The following PLBD1 variants were observed in gnomAD, a reference collection of about 807,000 sequenced individuals.
PLBD1 encodes the protein phospholipase B domain containing 1, also known as lysosomal leucine aminopeptidase.
In PLBD1, 60 loss-of-function variants were observed where a neutral mutation model predicts 63.0. That is an observed-to-expected ratio of 0.95 (90% CI 0.77 to 1.18). The LOEUF (loss-of-function observed/expected upper bound fraction) is 1.18. PLBD1 is among the 50% of genes most tolerant of loss of function. PLBD1 has a pLI of 0.00. For synonymous variants in PLBD1, 262 were observed against 248.0 expected (o/e 1.06, Z -0.53); for missense variants, 598 against 677.9 (o/e 0.88, Z 1.31).
chr12:14,515,609 C>A (rs1945331041), intron 6 of PLBD1, among the ~76,000 whole-genome samples: 1 of 151,994 alleles, frequency 6.6e-6, no homozygotes, highest in Admixed American at 6.5e-5. Flanking sequence ...GGTAACATGA[C>A]ATTAATAACA....
intron 4 of PLBD1, among the ~76,000 whole-genome samples, chr12:14,539,983 TAGAC>T (rs1219667754): frequency 7.7e-6 from 1 of 129,790 alleles, no homozygotes; most frequent in Non-Finnish European, 1.6e-5. Context: ...CTGGACAAAA[TAGAC>T]AAAAAGTTCA....
chr12:14,506,808 G>T, intron 9 of PLBD1, 125 bp downstream of exon 9: 1 of 790,640 alleles, frequency 1.3e-6, no homozygotes, highest in Non-Finnish European at 1.9e-6. Flanking sequence ...TACAATATTA[G>T]TTAAATACTT....
chr12:14,519,618 T>TA (rs77006344), intron 6 of PLBD1, among the ~76,000 whole-genome samples: 2,693 of 115,420 alleles, frequency 0.023, 35 homozygotes, highest in Middle Eastern at 0.076. Flanking sequence ...GACATCATCT[T>TA]AAAAAAAAAA....
chr12:14,533,485 C>G lies in PLBD1; in HGVS notation c.844+2174G>C, dbSNP rs1451959259. Among the ~76,000 whole-genome samples the G allele has an allele frequency of 3.3e-5, 5 of 152,212 alleles. No homozygotes were observed. The East Asian group carries it at 9.6e-4, about 29-fold the overall frequency. ...CAAATGTTAACAGGATTATACGTTTCATAAGAAAATCTTCCATGACCTTCT... is the reference window on the plus strand; with the variant it reads ...CAAATGTTAACAGGATTATACGTTTGATAAGAAAATCTTCCATGACCTTCT... On this transcript the variant is annotated intron_variant, in intron 6 of 10. Transcript: ENST00000240617.
chr12:14,555,645 G>C (rs1208452701), intron 1 of PLBD1, among the ~76,000 whole-genome samples: 2 of 152,112 alleles, frequency 1.3e-5, no homozygotes, highest in African/African-American at 2.4e-5. Context: ...ACGCACATTC[G>C]ATGATCCAGA....
chr12:14,562,528 T>A (rs1460352214), intron 1 of PLBD1, among the ~76,000 whole-genome samples: 1 of 151,324 alleles, frequency 6.6e-6, no homozygotes, highest in Non-Finnish European at 1.5e-5. Context: ...GTGTTTCAAG[T>A]CTTAAGCTAA....
rs757654628 is a variant in PLBD1 at position 14,511,588 on chromosome 12, C to G, written c.968G>C (p.Trp323Ser). 1.2e-5 allele frequency: 19 copies of G among 1,614,092 alleles called. No individual in the cohort carries two copies. The South Asian group carries it at 2.1e-4, about 18-fold the overall frequency. ...CATATTGGCCACACGGACTCTTTGCCAGGACAGGAGAGTCTCGGGTATTAC... is the reference window on the plus strand; with the variant it reads ...CATATTGGCCACACGGACTCTTTGCGAGGACAGGAGAGTCTCGGGTATTAC... ...KQVIPETLLS[W>S]QRVRVANMMA... The change falls in exon 7 of 11, where the codon TGG becomes TCG. Residue 323 changes from tryptophan to serine, a missense_variant. Coordinates refer to ENST00000240617, the MANE Select transcript of PLBD1 (RefSeq NM_024829.6).
chr12:14,514,207 G>A (rs1945321659), intron 6 of PLBD1, among the ~76,000 whole-genome samples: 1 of 152,142 alleles, frequency 6.6e-6, no homozygotes, highest in Non-Finnish European at 1.5e-5. Context: ...ATTTTAATGG[G>A]TCACCTCTCT....
intron 6 of PLBD1, among the ~76,000 whole-genome samples, chr12:14,527,251 A>C (rs1252371924): frequency 6.6e-6 from 1 of 152,168 alleles, no homozygotes; most frequent in East Asian, 1.9e-4. Context: ...GACTTTTGGC[A>C]GGGAAAATAT....
At chr12:14,532,148 G>A (rs1270968330) in intron 6 of PLBD1, among the ~76,000 whole-genome samples, 3 of 152,126 alleles carry the variant, frequency 2.0e-5, no homozygotes, top group African/African-American at 4.8e-5. Context: ...CCTATAAGTC[G>A]AGCTGGAAGA....
At chr12:14,544,022 T>TGCTGATGATCAGCAATATGCTG (rs1194428404) in intron 2 of PLBD1, among the ~76,000 whole-genome samples, 1 of 152,258 alleles carries the variant, frequency 6.6e-6, no homozygotes, top group Non-Finnish European at 1.5e-5. Context: ...CTGACACTAT[T>TGCTGATGATCAGCAATATGCTG]GCTGATGATC....
At chr12:14,526,983 A>G (rs1482727050) in intron 6 of PLBD1, among the ~76,000 whole-genome samples, 3 of 152,178 alleles carry the variant, frequency 2.0e-5, no homozygotes, top group African/African-American at 7.2e-5. Context: ...AAAATAAAAG[A>G]AAAAAGAAAA....
chr12:14,503,689 G>T lies in PLBD1; in HGVS notation c.*83C>A. On this transcript the variant is annotated 3_prime_UTR_variant, in exon 11 of 11. Coordinates refer to ENST00000240617, the MANE Select transcript of PLBD1 (RefSeq NM_024829.6). ...AAGTGACAAATTAATATATTTTATTGCATAATTCTGATGGGAAAAACATAG... is the reference window on the plus strand; with the variant it reads ...AAGTGACAAATTAATATATTTTATTTCATAATTCTGATGGGAAAAACATAG... The T allele has an allele frequency of 7.8e-7, 1 of 1,287,552 alleles. No individual in the cohort carries two copies. Among genetic ancestry groups the T allele is most frequent in the East Asian group, 2.3e-5 (1 of 42,938 alleles). 79.8% of individuals were successfully genotyped at this position (1,287,552 alleles called of 1,614,324 possible).
intron 6 of PLBD1, among the ~76,000 whole-genome samples, chr12:14,523,478 T>C (rs931915203): frequency 6.7e-6 from 1 of 149,276 alleles, no homozygotes; most frequent in Non-Finnish European, 1.5e-5. Context: ...GAGAAAAAAA[T>C]CTTTAAATGT....
intron 4 of PLBD1, among the ~76,000 whole-genome samples, chr12:14,540,013 CATATATATATATATATATAT>C (rs58124579): frequency 9.2e-4 from 21 of 22,778 alleles, no homozygotes; most frequent in African/African-American, 2.0e-3. Context: ...AAGCTATGCA[CATATATATATATATATATAT>C]ATATATATAT....
chr12:14,540,885 G>T lies in PLBD1; in HGVS notation c.437C>A (p.Thr146Asn). 6.3e-7 allele frequency: 1 copy of T among 1,597,742 alleles called. No individual in the cohort carries two copies. Among genetic ancestry groups the T allele is most frequent in the Non-Finnish European group, 8.6e-7 (1 of 1,168,664 alleles). The change falls in exon 4 of 11, where the codon ACC becomes AAC. Residue 146 changes from threonine (T) to asparagine (N), a missense_variant. Coordinates refer to ENST00000240617, the MANE Select transcript of PLBD1 (RefSeq NM_024829.6). Reference sequence around the variant, plus strand: ...CTTGTATTCTTTGATATTTTTCCGGGTCCACTTATCTTGCTTCCTGGAAGA... The same window carrying T: ...CTTGTATTCTTTGATATTTTTCCGGTTCCACTTATCTTGCTTCCTGGAAGA... The part of the protein sequence containing the change: ...QDFMEKQDKW[T>N]RKNIKEYKTD...
chr12:14,524,253 T>C (rs1945399945), intron 6 of PLBD1, among the ~76,000 whole-genome samples: 1 of 152,140 alleles, frequency 6.6e-6, no homozygotes, highest in African/African-American at 2.4e-5. Flanking sequence ...AGGCTTACTA[T>C]AGTTAACAAT....
At chr12:14,553,689 T>C (rs1945678606) in intron 1 of PLBD1, 1 of 494,156 alleles carries the variant, frequency 2.0e-6, no homozygotes, top group East Asian at 3.8e-5. Context: ...CCTTAGAGGG[T>C]GGGAATCTGG....
At chr12:14,520,729 A>C (rs150467579) in intron 6 of PLBD1, among the ~76,000 whole-genome samples, 1 of 152,202 alleles carries the variant, frequency 6.6e-6, no homozygotes. Context: ...CTTCCCAGTC[A>C]AGGTCGGTAT....
Sources: allele counts gnomAD v4.1 joint callset (sites outside exome capture counted in the v4.1 genomes callset), GRCh38; gene constraint gnomAD v4.1.1; transcripts MANE v1.5; gene names NCBI Gene and HGNC (gene_info 2026-07-23, HGNC 2026-07-21).